Variants in CNTN1 observed in about 807,000 individuals in gnomAD.
The protein encoded by CNTN1 is contactin-1.
Under a neutral mutation model 126.4 loss-of-function variants are expected in CNTN1, and 38 were observed. The observed-to-expected ratio is 0.30, with a 90% confidence interval of 0.23 to 0.39. The LOEUF (loss-of-function observed/expected upper bound fraction) is 0.39. CNTN1 is among the 10% of genes least tolerant of loss of function. The pLI is 1.00. For missense variants in CNTN1, 1,009 were observed against 1,248.4 expected, an observed-to-expected ratio of 0.81 and a Z score of 2.89; for synonymous variants, 413 against 422.6, an observed-to-expected ratio of 0.98 and a Z score of 0.28.
chr12:40,710,773 G>A (rs971553403), intron 1 of CNTN1, among the ~76,000 whole-genome samples: 1 of 151,942 alleles, frequency 6.6e-6, no homozygotes, highest in East Asian at 1.9e-4. Context: ...TATTCATATT[G>A]TCCTCTATTT....
At chr12:41,053,207 G>A (rs549989656) in intron 23 of CNTN1, among the ~76,000 whole-genome samples, 52 of 150,744 alleles carry the variant, frequency 3.4e-4, no homozygotes, top group Non-Finnish European at 5.9e-4. Context: ...AAGTGCTTTC[G>A]TGACATTATA....
intron 1 of CNTN1, among the ~76,000 whole-genome samples, chr12:40,866,053 A>G (rs1421276331): frequency 6.6e-6 from 1 of 151,924 alleles, no homozygotes; most frequent in Non-Finnish European, 1.5e-5. Flanking sequence ...ATTCTTTCCT[A>G]AGTATGTTAT....
chr12:40,932,944 T>G (rs560782957), intron 7 of CNTN1, among the ~76,000 whole-genome samples: 117 of 151,726 alleles, frequency 7.7e-4, no homozygotes, highest in Admixed American at 1.6e-3. Context: ...ATAAAGTGTC[T>G]AGTTTGAAGA....
At chr12:40,967,153 C>T (rs1300223865) in intron 15 of CNTN1, among the ~76,000 whole-genome samples, 6 of 151,484 alleles carry the variant, frequency 4.0e-5, no homozygotes, top group Admixed American at 1.3e-4. Flanking sequence ...GGCAGTAGAG[C>T]GAGACTCCAT....
At chr12:40,710,665 AGGT>A (rs1941889938) in intron 1 of CNTN1, among the ~76,000 whole-genome samples, 1 of 152,174 alleles carries the variant, frequency 6.6e-6, no homozygotes, top group African/African-American at 2.4e-5. Context: ...ATCTGATCTA[AGGT>A]GGTAGATATG....
intron 1 of CNTN1, among the ~76,000 whole-genome samples, chr12:40,705,636 T>G (rs1941719407): frequency 6.6e-6 from 1 of 152,188 alleles, no homozygotes; most frequent in Non-Finnish European, 1.5e-5. Flanking sequence ...ACCCACTAAC[T>G]CGTCATCTAG....
chr12:40,814,829 G>A (rs1288953919), intron 1 of CNTN1, among the ~76,000 whole-genome samples: 1 of 152,166 alleles, frequency 6.6e-6, no homozygotes. Flanking sequence ...CTATCCATGA[G>A]CATGGAATGT....
intron 23 of CNTN1, among the ~76,000 whole-genome samples, chr12:41,056,680 CAT>C (rs1205581095): frequency 3.3e-5 from 5 of 151,910 alleles, no homozygotes; most frequent in Non-Finnish European, 5.9e-5. Flanking sequence ...ACAGAATCCA[CAT>C]GATTCTTGGA....
chr12:40,863,651 AC>A (rs940885477), intron 1 of CNTN1, among the ~76,000 whole-genome samples: 17 of 152,110 alleles, frequency 1.1e-4, no homozygotes, highest in African/African-American at 3.9e-4. Flanking sequence ...CCTGAGCTCC[AC>A]CCCCTGTCAA....
intron 1 of CNTN1, among the ~76,000 whole-genome samples, chr12:40,827,825 T>C (rs1941665753): frequency 6.6e-6 from 1 of 152,168 alleles, no homozygotes; most frequent in Non-Finnish European, 1.5e-5. Context: ...AGCCCATTAC[T>C]GGATAGAACA....
intron 1 of CNTN1, among the ~76,000 whole-genome samples, chr12:40,866,197 C>G (rs1035941468): frequency 6.6e-6 from 1 of 151,932 alleles, no homozygotes; most frequent in Non-Finnish European, 1.5e-5. Flanking sequence ...CATTTATTAG[C>G]CATAATTTTT....
chr12:41,024,950 C>A (rs1036090679), intron 20 of CNTN1, among the ~76,000 whole-genome samples, 200 bp from the exon 21 acceptor site: 1 of 151,748 alleles, frequency 6.6e-6, no homozygotes, highest in African/African-American at 2.4e-5. Context: ...GACTTTGATT[C>A]GCTTTTGGCA....
intron 1 of CNTN1, among the ~76,000 whole-genome samples, chr12:40,801,079 G>A (rs1592101640): frequency 6.7e-6 from 1 of 149,530 alleles, no homozygotes; most frequent in East Asian, 2.0e-4. Context: ...GAGACAAGTA[G>A]CACAGATTTT....
chr12:41,033,166 CTG>C (rs1214731049), intron 23 of CNTN1, among the ~76,000 whole-genome samples: 2 of 152,208 alleles, frequency 1.3e-5, no homozygotes, highest in Non-Finnish European at 2.9e-5. Flanking sequence ...GACTTGAACA[CTG>C]TTATCCATTG....
intron 19 of CNTN1, among the ~76,000 whole-genome samples, chr12:41,018,954 C>T (rs567474887): frequency 1.3e-5 from 2 of 151,790 alleles, no homozygotes; most frequent in Non-Finnish European, 2.9e-5. Context: ...GTCAGGAGTT[C>T]GAGACTAGCC....
intron 16 of CNTN1, among the ~76,000 whole-genome samples, chr12:40,984,220 T>A (rs758730481): frequency 6.6e-6 from 1 of 151,918 alleles, no homozygotes; most frequent in Non-Finnish European, 1.5e-5. Context: ...GTTTATATTA[T>A]CCTTTGTTAA....
chr12:40,858,704 A>G (rs1416518590), intron 1 of CNTN1, among the ~76,000 whole-genome samples: 2 of 152,192 alleles, frequency 1.3e-5, no homozygotes, highest in Non-Finnish European at 2.9e-5. Flanking sequence ...ACTATTCACA[A>G]TAGCAAAGAC....
intron 1 of CNTN1, among the ~76,000 whole-genome samples, chr12:40,883,273 G>A (rs1431974859): frequency 6.6e-6 from 1 of 151,376 alleles, no homozygotes; most frequent in Non-Finnish European, 1.5e-5. Context: ...GACTATTTCT[G>A]GTATTGAGAA....
At chr12:40,998,549 G>T (rs1948277175) in intron 17 of CNTN1, among the ~76,000 whole-genome samples, 2 of 152,166 alleles carry the variant, frequency 1.3e-5, no homozygotes, top group African/African-American at 4.8e-5. Flanking sequence ...ATTATATTAG[G>T]GGTGTTAGCA....
Sources: allele counts gnomAD v4.1 joint callset (sites outside exome capture counted in the v4.1 genomes callset), GRCh38; gene constraint gnomAD v4.1.1; transcripts MANE v1.5; gene names NCBI Gene and HGNC (gene_info 2026-07-23, HGNC 2026-07-21).